The following CEP170 variants were observed in gnomAD, a reference collection of about 807,000 sequenced individuals.
The protein encoded by CEP170 is centrosomal protein 170.
A neutral mutation model predicts 151.9 loss-of-function variants in CEP170; 21 were observed. That is an observed-to-expected ratio of 0.14 (90% confidence interval 0.10 to 0.20). CEP170 has a LOEUF of 0.20. CEP170 is among the 10% of genes least tolerant of loss of function. The pLI, the probability that CEP170 is intolerant of heterozygous loss-of-function variation, is 1.00. For missense variants in CEP170, 964 were observed against 1,892.9 expected (o/e 0.51, Z 9.11); for synonymous variants, 356 against 648.8 (o/e 0.55, Z 6.86).
At chr1:243,233,721 A>G (rs1169916269) in intron 1 of CEP170, among the ~76,000 whole-genome samples, 24 of 114,672 alleles carry the variant, frequency 2.1e-4, no homozygotes, top group African/African-American at 7.6e-4. Flanking sequence ...CAACAGAGCA[A>G]GACTCCATCT....
chr1:243,140,403 T>C (rs1251085710), intron 15 of CEP170: 4 of 243,416 alleles, frequency 1.6e-5, no homozygotes, highest in African/African-American at 2.3e-5. Context: ...AGATGGTAAA[T>C]AGAAAAAAAG....
At chr1:243,205,903 G>A (rs2061382958) in intron 4 of CEP170, among the ~76,000 whole-genome samples, 1 of 147,772 alleles carries the variant, frequency 6.8e-6, no homozygotes, top group Non-Finnish European at 1.5e-5. Flanking sequence ...CAAACCCCAA[G>A]GGAGGAACAA....
intron 1 of CEP170, among the ~76,000 whole-genome samples, chr1:243,228,888 T>C (rs1032222826): frequency 3.9e-5 from 6 of 152,178 alleles, no homozygotes; most frequent in Admixed American, 6.5e-5. Context: ...GAATACATAG[T>C]TTCTGAAAAA....
intron 1 of CEP170, among the ~76,000 whole-genome samples, chr1:243,233,660 G>A (rs1204295399): frequency 6.7e-6 from 1 of 149,772 alleles, no homozygotes; most frequent in African/African-American, 2.5e-5. Flanking sequence ...GTGAACCCAG[G>A]AGGCGGAGCT....
In CEP170 at chr1:243,185,264, A is replaced by G. The variant is rs1199378506; in HGVS notation, c.1566+515T>C. Among the ~76,000 whole-genome samples, 1 of 152,212 alleles carries G rather than the reference A, an allele frequency of 6.6e-6. No homozygotes were observed. The highest frequency in any genetic ancestry group is 2.4e-5 in the African/African-American group (1 of 41,458). On this transcript the variant is annotated intron_variant, in intron 10 of 19. Transcript: ENST00000366542. This position sits in a 1 kb window ranked among gnomAD's most constrained non-coding sequence, Gnocchi z 4.9. ...TAAACAACTGATTTTGTTTTCATAT[A>G]CTTCTCTTCTACCACCAATGACAGC...
At chr1:243,137,409 A>G (rs2148263603) in intron 16 of CEP170, among the ~76,000 whole-genome samples, 1 of 152,358 alleles carries the variant, frequency 6.6e-6, no homozygotes, top group South Asian at 2.1e-4. Context: ...GAATACGATT[A>G]CATGTTTTAT....
intron 4 of CEP170, among the ~76,000 whole-genome samples, chr1:243,202,542 T>C (rs1471052148): frequency 6.6e-6 from 1 of 151,958 alleles, no homozygotes; most frequent in Admixed American, 6.6e-5. Flanking sequence ...CGCATATTTA[T>C]ATAATATGAA....
At chr1:243,206,232 C>A (rs757231020) in intron 4 of CEP170, among the ~76,000 whole-genome samples, 21 of 152,144 alleles carry the variant, frequency 1.4e-4, no homozygotes, top group Non-Finnish European at 2.4e-4. Flanking sequence ...CTTCTGGGTT[C>A]AAGAGATTCT....
chr1:243,159,429 C>G (rs1239984694), intron 13 of CEP170, among the ~76,000 whole-genome samples: 1 of 152,194 alleles, frequency 6.6e-6, no homozygotes, highest in Non-Finnish European at 1.5e-5. Flanking sequence ...GAATTTATTT[C>G]AAAACTTTCT....
chr1:243,247,063 G>T (rs1302210617), intron 1 of CEP170, among the ~76,000 whole-genome samples: 1 of 152,054 alleles, frequency 6.6e-6, no homozygotes, highest in Non-Finnish European at 1.5e-5. Context: ...CCTCAAATCA[G>T]TTTCTAGCTG....
intron 14 of CEP170, among the ~76,000 whole-genome samples, chr1:243,146,436 A>C (rs2056495172): frequency 6.6e-6 from 1 of 152,234 alleles, no homozygotes; most frequent in Non-Finnish European, 1.5e-5. Context: ...ATTTTTAAAG[A>C]GTCAAGGATC....
At chr1:243,133,521 A>G (rs1293325620) in intron 17 of CEP170, among the ~76,000 whole-genome samples, 2 of 152,156 alleles carry the variant, frequency 1.3e-5, no homozygotes, top group African/African-American at 4.8e-5. Context: ...TTTAACTACA[A>G]TGAATGCTTG....
intron 1 of CEP170, among the ~76,000 whole-genome samples, chr1:243,232,330 T>C (rs2063836333): frequency 6.6e-6 from 1 of 152,118 alleles, no homozygotes; most frequent in African/African-American, 2.4e-5. Flanking sequence ...TACAAAATTA[T>C]ATCAGTCTCT....
At chr1:243,148,771 A>T (rs940867624) in intron 14 of CEP170, among the ~76,000 whole-genome samples, 36 of 152,252 alleles carry the variant, frequency 2.4e-4, no homozygotes, top group Admixed American at 5.2e-4. Context: ...TTTCCTAATG[A>T]TAAGGAAAGA....
intron 14 of CEP170, among the ~76,000 whole-genome samples, chr1:243,145,829 A>C (rs1330960961): frequency 6.6e-6 from 1 of 152,212 alleles, no homozygotes; most frequent in East Asian, 1.9e-4. Context: ...TTCAAGAAAT[A>C]ATTTAGTCTA....
chr1:243,251,294 T>A (rs2065912811), intron 1 of CEP170, among the ~76,000 whole-genome samples: 1 of 152,188 alleles, frequency 6.6e-6, no homozygotes, highest in South Asian at 2.1e-4. Context: ...ACTTCTAAAG[T>A]TCCCTTGAAT....
intron 4 of CEP170, among the ~76,000 whole-genome samples, chr1:243,207,919 T>A (rs1241374224): frequency 6.6e-6 from 1 of 151,950 alleles, no homozygotes; most frequent in African/African-American, 2.4e-5. Context: ...AAGTTTAGAA[T>A]AAAGGTAACA....
intron 8 of CEP170, among the ~76,000 whole-genome samples, chr1:243,187,876 GGAGTAA>G (rs1225150869): frequency 6.6e-6 from 1 of 152,054 alleles, no homozygotes; most frequent in Non-Finnish European, 1.5e-5. Context: ...GGAAACAAAG[GGAGTAA>G]GATCAAAATG....
Position 243,191,320 on chromosome 1 carries a change from C to A in CEP170, c.806G>T (p.Ser269Ile). Residue 269 changes from serine to isoleucine, a missense_variant, in exon 8 of 20, where the codon AGT becomes ATT. Physicochemically the swap from Ser to Ile is moderately radical, Grantham distance 142. Coordinates refer to ENST00000366542, the MANE Select transcript of CEP170 (RefSeq NM_014812.3). Reference protein sequence around the residue: ...IHEIPTKDTPSSHITGAGHAS... With the variant: ...IHEIPTKDTPISHITGAGHAS... ...ATGCCCTGCACCTGTTATATGGGAA[C>A]TTGGCGTGTCTTTTGTTGGGATTTC... 6.2e-7 allele frequency: 1 copy of A among 1,613,370 alleles called. No individual in the cohort carries two copies. The highest frequency in any genetic ancestry group is 8.5e-7 in the Non-Finnish European group (1 of 1,179,646).
Sources: allele counts gnomAD v4.1 joint callset (sites outside exome capture counted in the v4.1 genomes callset), GRCh38; gene constraint gnomAD v4.1.1; non-coding constraint Gnocchi (gnomAD v3.1); transcripts MANE v1.5; gene names NCBI Gene and HGNC (gene_info 2026-07-23, HGNC 2026-07-21).